Variants in ACTN1 observed in about 807,000 individuals in gnomAD.
ACTN1 encodes actinin alpha 1, also known as alpha-actinin-1.
ACTN1 carries 30 observed loss-of-function variants against 119.6 expected under a neutral mutation model. The ratio of observed to expected loss-of-function variants is 0.25; its 90% confidence interval spans 0.19 to 0.34. The LOEUF (loss-of-function observed/expected upper bound fraction) is 0.34, where lower values mean the gene tolerates loss of function less well. Ranked by LOEUF, ACTN1 falls within the 10% of genes least tolerant of loss-of-function variation. ACTN1 has a pLI of 1.00. For synonymous variants in ACTN1, 429 were observed against 472.6 expected (o/e 0.91, Z 1.20); for missense variants, 764 against 1,223.4 (o/e 0.62, Z 5.60).
intron 1 of ACTN1, among the ~76,000 whole-genome samples, chr14:68,930,766 T>C (rs781369580): frequency 1.3e-5 from 2 of 152,372 alleles, no homozygotes; most frequent in Non-Finnish European, 2.9e-5. Flanking sequence ...CAGAGGATTA[T>C]TGGAGGAGTC....
At chr14:68,971,543 C>T (rs1421204254) in intron 1 of ACTN1, among the ~76,000 whole-genome samples, 3 of 152,208 alleles carry the variant, frequency 2.0e-5, no homozygotes, top group East Asian at 1.9e-4. Context: ...AGGCCTCTCT[C>T]GCTGTGCGGC....
chr14:68,956,033 G>A (rs150735180), intron 1 of ACTN1, among the ~76,000 whole-genome samples: 39 of 152,228 alleles, frequency 2.6e-4, no homozygotes, highest in Middle Eastern at 3.4e-3. Context: ...GCACAGTGGC[G>A]CACACACTAT....
rs951021622 is a variant in ACTN1, at chr14:68,925,142, A to G, written c.220+416T>C. 1.3e-5 allele frequency among the ~76,000 whole-genome samples: 2 copies of G among 152,108 alleles called. No homozygotes were observed. Among genetic ancestry groups the G allele is most frequent in the African/African-American group, 4.8e-5 (2 of 41,416 alleles). On this transcript the variant is annotated intron_variant, in intron 2 of 21. Transcript: ENST00000394419. This position sits in a 1 kb window ranked among gnomAD's most constrained non-coding sequence, Gnocchi z 4.3. ...CAGGATGAGATGTGTGTTCCAGTAG[A>G]GCTGTCCCTCCAGACATCTGGACAA... is the stretch of plus-strand genomic sequence containing the variant.
chr14:68,874,993 G>C lies in ACTN1; in HGVS notation c.2611C>G (p.Arg871Gly). 6.2e-7 allele frequency: 1 copy of C among 1,613,540 alleles called. No individual in the cohort carries two copies. Among genetic ancestry groups the C allele is most frequent in the South Asian group, 1.1e-5 (1 of 91,088 alleles). The change falls in exon 22 of 22, where the codon CGC (arginine) becomes GGC (glycine). Residue 871 changes from arginine (R) to glycine (G), a missense_variant. Physicochemically the swap from Arg to Gly is moderately radical, Grantham distance 125. Coordinates refer to ENST00000394419, the MANE Select transcript of ACTN1 (RefSeq NM_001130004.2). The part of the protein sequence containing the change: ...DKNYITMDEL[R>G]RELPPDQAEY... ...GCCTGGTCGGGTGGCAGCTCGCGGCGCAGCTCGTCCATGGTAATGTAGTTC... is the reference window on the plus strand; with the variant it reads ...GCCTGGTCGGGTGGCAGCTCGCGGCCCAGCTCGTCCATGGTAATGTAGTTC...
chr14:68,976,279 C>A (rs1308151899), intron 1 of ACTN1, among the ~76,000 whole-genome samples: 1 of 152,206 alleles, frequency 6.6e-6, no homozygotes, highest in African/African-American at 2.4e-5. Context: ...CCTCCTCACA[C>A]TCACTCCCCT....
At chr14:68,898,555 A>G (rs2033041865) in intron 8 of ACTN1, among the ~76,000 whole-genome samples, 2 of 152,138 alleles carry the variant, frequency 1.3e-5, no homozygotes, top group Non-Finnish European at 2.9e-5. Flanking sequence ...CATCGGTGCC[A>G]GCCCGGAGAC....
chr14:68,908,200 C>T lies in ACTN1; in HGVS notation c.594+1118G>A, dbSNP rs567149527. Among the ~76,000 whole-genome samples the T allele has an allele frequency of 6.5e-5, 7 of 107,350 alleles. No individual in the cohort carries two copies. In the South Asian group the frequency reaches 1.6e-3, roughly 25 times the overall value. 70.4% of individuals were successfully genotyped at this position (107,350 alleles called of 152,430 possible). A position where few individuals can be genotyped will look rare whatever the true frequency, so the allele number is the denominator to read the frequency against. On this transcript the variant is annotated intron_variant, in intron 6 of 21. Transcript: ENST00000394419. ...CAGTGTGTATGGGGTGGGGGTGGGG[C>T]GGGGCACGGTGCAGGGAAGCGGGTA...
chr14:68,954,586 A>C (rs1455881056), intron 1 of ACTN1, among the ~76,000 whole-genome samples: 1 of 152,186 alleles, frequency 6.6e-6, no homozygotes, highest in East Asian at 1.9e-4. Flanking sequence ...TTGGCCTCCC[A>C]AAGTGCTGGG....
intron 11 of ACTN1, chr14:68,886,222 G>C (rs2031991993): frequency 6.6e-6 from 1 of 152,202 alleles, no homozygotes; most frequent in Non-Finnish European, 1.5e-5. Context: ...GCACAGGATG[G>C]GGGCTGGCCC....
At position 68,950,390 on chromosome 14, in the gene ACTN1, C is replaced by T. The variant is rs113591217; in HGVS notation, c.106-24718G>A. On this transcript the variant is annotated intron_variant, in intron 1 of 21. Transcript: ENST00000394419. The stretch of plus-strand genomic sequence containing the variant: ...ATGTACTTAATGCTGCTGAACTGTA[C>T]GTACACTTCAAAATGGCTAAAATGG... Among the ~76,000 whole-genome samples, 474 of 148,816 alleles carry T rather than the reference C, an allele frequency of 3.2e-3. 2 individuals carry two copies. Among genetic ancestry groups the T allele is most frequent in the Non-Finnish European group, 5.4e-3 (366 of 67,780 alleles).
At chr14:68,975,779 T>C (rs570236818) in intron 1 of ACTN1, among the ~76,000 whole-genome samples, 32 of 152,306 alleles carry the variant, frequency 2.1e-4, no homozygotes, top group Middle Eastern at 6.8e-3. Context: ...TCTGGAGGCA[T>C]GGCGACCAGC....
At position 68,927,950 on chromosome 14, in the gene ACTN1, GCCATC is replaced by G. The variant is rs369684849; in HGVS notation, c.106-2283_106-2279del. Among the ~76,000 whole-genome samples the G allele has an allele frequency of 6.9e-4, 105 of 152,172 alleles. 1 individual carries two copies. Among genetic ancestry groups the G allele is most frequent in the African/African-American group, 2.5e-3 (104 of 41,516 alleles). On this transcript the variant is annotated intron_variant, in intron 1 of 21. Transcript: ENST00000394419. ...TCTTTTCTCATTTATCACCATCTTGGCCATCCCCAGCACCCACTCCCAGTCCCCCA... is the reference window on the plus strand; with the variant it reads ...TCTTTTCTCATTTATCACCATCTTGGCCCAGCACCCACTCCCAGTCCCCCA...
intron 1 of ACTN1, among the ~76,000 whole-genome samples, chr14:68,975,805 C>A (rs1014640324): frequency 6.6e-6 from 1 of 152,146 alleles, no homozygotes; most frequent in African/African-American, 2.4e-5. Flanking sequence ...AACTCCGTAC[C>A]GAAGCATTCT....
intron 21 of ACTN1, among the ~76,000 whole-genome samples, chr14:68,875,779 T>A (rs1336809411): frequency 1.3e-5 from 2 of 152,210 alleles, no homozygotes; most frequent in Non-Finnish European, 2.9e-5. Flanking sequence ...ACCAGGCCCC[T>A]AGCTGGGCCC....
chr14:68,910,734 G>A (rs772627739), intron 4 of ACTN1, among the ~76,000 whole-genome samples: 3 of 152,282 alleles, frequency 2.0e-5, no homozygotes, highest in Admixed American at 2.0e-4. Flanking sequence ...CGTGTTGTGG[G>A]AGAGAGACGG....
intron 1 of ACTN1, among the ~76,000 whole-genome samples, chr14:68,974,714 C>G (rs1478865757): frequency 2.0e-5 from 3 of 152,232 alleles, no homozygotes; most frequent in Non-Finnish European, 2.9e-5. Flanking sequence ...GGTTCCCTCT[C>G]TACCTAAACC....
intron 11 of ACTN1, chr14:68,887,056 G>A (rs1284514796): frequency 3.6e-5 from 6 of 164,534 alleles, no homozygotes; most frequent in East Asian, 1.8e-4. Context: ...CTTAACATAC[G>A]TAATGAAATT....
At chr14:68,953,692 T>C (rs61454971) in intron 1 of ACTN1, among the ~76,000 whole-genome samples, 1,615 of 149,124 alleles carry the variant, frequency 0.011, 31 homozygotes, top group African/African-American at 0.038. Flanking sequence ...GCCTGGCCAA[T>C]ATGGTGAAAC....
rs1349794768 is a variant in ACTN1 at position 68,950,477 on chromosome 14, T to TATATATATATATATATATATAC, written c.106-24806_106-24805insGTATATATATATATATATATAT. ...ATGCGTGTGTGTATATATATATATATAAATCAAACATATAAAATCTGTGGT... is the reference window on the plus strand; with the variant it reads ...ATGCGTGTGTGTATATATATATATATATATATATATATATATATATACAAATCAAACATATAAAATCTGTGGT... On this transcript the variant is annotated intron_variant, in intron 1 of 21. Transcript: ENST00000394419. Among the ~76,000 whole-genome samples, 233 of 144,880 alleles carry TATATATATATATATATATATAC rather than the reference T, an allele frequency of 1.6e-3. 7 individuals carry two copies. Among genetic ancestry groups the TATATATATATATATATATATAC allele is most frequent in the African/African-American group, 6.5e-3 (226 of 34,990 alleles).
Sources: allele counts gnomAD v4.1 joint callset (sites outside exome capture counted in the v4.1 genomes callset), GRCh38; gene constraint gnomAD v4.1.1; non-coding constraint Gnocchi (gnomAD v3.1); transcripts MANE v1.5; gene names NCBI Gene and HGNC (gene_info 2026-07-23, HGNC 2026-07-21).